The following SCYL3 variants were observed in gnomAD, a reference collection of about 807,000 sequenced individuals.
The protein encoded by SCYL3 is SCY1 like pseudokinase 3.
SCYL3 carries 35 observed loss-of-function variants against 73.8 expected under a neutral mutation model. That is an observed-to-expected ratio of 0.47 (90% CI 0.36 to 0.63). SCYL3 has a LOEUF of 0.63. Ranked by LOEUF, SCYL3 falls within the 20% of genes least tolerant of loss-of-function variation. SCYL3 has a pLI of 0.00. For missense variants in SCYL3, 712 were observed against 798.9 expected (o/e 0.89, Z 1.31); for synonymous variants, 277 against 295.2 (o/e 0.94, Z 0.63).
At chr1:169,855,905 C>T in intron 11 of SCYL3, 1 of 1,613,808 alleles carries the variant, frequency 6.2e-7, no homozygotes, top group Non-Finnish European at 8.5e-7. Flanking sequence ...AGGGGTTCTC[C>T]AAGATTGGCG....
In SCYL3 at chr1:169,852,480, G is replaced by C; in HGVS notation, c.*1233C>G. The C allele has an allele frequency of 3.0e-6, 1 of 335,584 alleles. No individual in the cohort carries two copies. Among genetic ancestry groups the C allele is most frequent in the Non-Finnish European group, 5.4e-6 (1 of 184,472 alleles). 20.8% of individuals were successfully genotyped at this position (335,584 alleles called of 1,614,324 possible). ...TCTCATAAAAAGAAAATACATTTAT[G>C]AACTTGTTTATAAGACATGTAAGCT... On this transcript the variant is annotated 3_prime_UTR_variant, in exon 13 of 13. Transcript: ENST00000367771.
rs1658928545 is a variant in SCYL3, at chr1:169,854,471, T to C, written c.1806A>G (p.Gly602=). Residue 602 remains glycine (G), a synonymous_variant, in exon 12 of 13, where the codon GGA becomes GGG. Coordinates refer to ENST00000367771, the MANE Select transcript of SCYL3 (RefSeq NM_020423.7). ...TTTTTACTTGAATGGTGAATTCCTC[T>C]CCTAAACCAAGTTCTGATGGAACCT... ...PLKVPSELGL[G]EEFTIQVKKK... is the part of the protein sequence containing the mutation. The C allele has an allele frequency of 3.7e-6, 6 of 1,613,964 alleles. No individual in the cohort carries two copies. Among genetic ancestry groups the C allele is most frequent in the Non-Finnish European group, 8.5e-7 (1 of 1,179,982 alleles).
chr1:169,867,957 A>C (rs568151626), intron 7 of SCYL3, among the ~76,000 whole-genome samples: 1 of 152,360 alleles, frequency 6.6e-6, no homozygotes, highest in South Asian at 2.1e-4. Flanking sequence ...TATTTCTAAG[A>C]ATCATCCAAA....
At chr1:169,855,682 T>A in intron 11 of SCYL3, 2 of 948,258 alleles carry the variant, frequency 2.1e-6, no homozygotes, top group South Asian at 3.6e-5. Flanking sequence ...CAAAGCTGAC[T>A]ACATAATTAC....
chr1:169,875,190 A>G (rs1166640766), intron 4 of SCYL3, among the ~76,000 whole-genome samples: 1 of 152,190 alleles, frequency 6.6e-6, no homozygotes. Context: ...GGCCCAAGTT[A>G]AGTGTGGAAG....
At chr1:169,870,228 A>C (rs763973851) in intron 6 of SCYL3, 27 bp downstream of exon 6, 1 of 1,433,428 alleles carries the variant, frequency 7.0e-7, no homozygotes, top group Non-Finnish European at 9.8e-7. Context: ...CTTATTCTAT[A>C]GATGCAGTAG....
rs773743566 is a variant in SCYL3, at chr1:169,859,142, A to C, written c.1211T>G (p.Val404Gly). The change falls in exon 11 of 13, where the codon GTC becomes GGC. Residue 404 changes from valine (V) to glycine (G), a missense_variant. This residue lies in a region of SCYL3 where 370 missense variants were observed against 350.8 expected (regional missense o/e 1.05). Coordinates refer to ENST00000367771, the MANE Select transcript of SCYL3 (RefSeq NM_020423.7). Reference protein sequence around the residue: ...AITLHSLAVLVSLLGPEVVVG... With the variant: ...AITLHSLAVLGSLLGPEVVVG... ...AACCACCTCTGGTCCAAGCAGAGAG[A>C]CCAGCACTGCTAGGCTATGCAGAGT... is the stretch of plus-strand genomic sequence containing the variant. The C allele has an allele frequency of 6.2e-7, 1 of 1,614,008 alleles. No homozygotes were observed. The highest frequency in any genetic ancestry group is 8.5e-7 in the Non-Finnish European group (1 of 1,179,950).
chr1:169,893,070 C>G (rs1432901285), intron 1 of SCYL3, among the ~76,000 whole-genome samples: 1 of 152,132 alleles, frequency 6.6e-6, no homozygotes, highest in African/African-American at 2.4e-5. Flanking sequence ...ACAATTAAGT[C>G]TTTATGGACC....
chr1:169,856,118 C>G (rs1347562947), intron 11 of SCYL3, among the ~76,000 whole-genome samples: 1 of 151,992 alleles, frequency 6.6e-6, no homozygotes, highest in Non-Finnish European at 1.5e-5. Context: ...AGACATACAC[C>G]CATTATGGAA....
chr1:169,864,533 G>A, intron 8 of SCYL3, 25 bp from the exon 9 acceptor site: 1 of 1,567,380 alleles, frequency 6.4e-7, no homozygotes, highest in Non-Finnish European at 8.6e-7. Flanking sequence ...GGAAAGCCCA[G>A]GAAACTGGTC....
chr1:169,851,830 A>T lies in SCYL3; in HGVS notation c.*1883T>A. ...GGTCCCTGGCAGACTGGGTTTGTAGATGAAACTGAAGCTGCCAAAGTGGAA... is the reference window on the plus strand; with the variant it reads ...GGTCCCTGGCAGACTGGGTTTGTAGTTGAAACTGAAGCTGCCAAAGTGGAA... On this transcript the variant is annotated 3_prime_UTR_variant, in exon 13 of 13. Coordinates refer to ENST00000367771, the MANE Select transcript of SCYL3 (RefSeq NM_020423.7). The T allele has an allele frequency of 6.2e-7, 1 of 1,613,914 alleles. No individual in the cohort carries two copies. Among genetic ancestry groups the T allele is most frequent in the Non-Finnish European group, 8.5e-7 (1 of 1,179,916 alleles).
chr1:169,884,461 C>T (rs1661532918), intron 2 of SCYL3, among the ~76,000 whole-genome samples: 1 of 151,934 alleles, frequency 6.6e-6, no homozygotes, highest in African/African-American at 2.4e-5. Flanking sequence ...CCATGCCTGG[C>T]TAATTTTTGT....
chr1:169,886,035 A>T (rs886857702), intron 2 of SCYL3, among the ~76,000 whole-genome samples: 4 of 152,170 alleles, frequency 2.6e-5, no homozygotes, highest in Non-Finnish European at 4.4e-5. Flanking sequence ...ACCATGGGCC[A>T]GGTACGGTGG....
rs201104759 is a variant in SCYL3 at position 169,850,222 on chromosome 1, G to C, written c.*3491C>G. On this transcript the variant is annotated 3_prime_UTR_variant, in exon 13 of 13. Transcript: ENST00000367771. ...ACTCATCTATTTGTCTTTGCAAGTT[G>C]TTGAAATGTTAAAATTGGTCTTGTT... 6.0e-6 allele frequency: 8 copies of C among 1,324,118 alleles called. No homozygotes were observed. In the East Asian group the frequency reaches 1.8e-4, roughly 31 times the overall value. The allele number at this position is 1,324,118 out of a possible 1,614,324, so 82.0% of individuals were successfully genotyped here.
At chr1:169,879,650 T>G (rs6427227) in intron 2 of SCYL3, among the ~76,000 whole-genome samples, 1 of 151,912 alleles carries the variant, frequency 6.6e-6, no homozygotes, top group African/African-American at 2.4e-5. Flanking sequence ...ATGTCCAGGA[T>G]GCAACCCCAA....
rs1190164882 is a variant in SCYL3, at chr1:169,854,468, C to T, written c.1809G>A (p.Glu603=). 3.1e-6 allele frequency: 5 copies of T among 1,614,020 alleles called. No homozygotes were observed. Among genetic ancestry groups the T allele is most frequent in the Non-Finnish European group, 4.2e-6 (5 of 1,179,954 alleles). ...LKVPSELGLG[E]EFTIQVKKKP... ...TCTTTTTTACTTGAATGGTGAATTC[C>T]TCTCCTAAACCAAGTTCTGATGGAA... The change falls in exon 12 of 13, where the codon GAG becomes GAA. Residue 603 remains glutamate (E), a synonymous_variant. Transcript: ENST00000367771.
rs1658160316 is a variant in SCYL3 at position 169,851,007 on chromosome 1, A to ATTTT, written c.*2705_*2706insAAAA. 1 of 18,492 alleles carries ATTTT rather than the reference A, an allele frequency of 5.4e-5. No homozygotes were observed. Among genetic ancestry groups the ATTTT allele is most frequent in the Non-Finnish European group, 9.3e-5 (1 of 10,726 alleles). 1.1% of individuals were successfully genotyped at this position (18,492 alleles called of 1,614,324 possible). A position where few individuals can be genotyped will look rare whatever the true frequency, so the allele number is the denominator to read the frequency against. On this transcript the variant is annotated 3_prime_UTR_variant, in exon 13 of 13. Transcript: ENST00000367771. ...TTTTTTTTTTTTTTTTTTTTTTTTT[A>ATTTT]TTTGGGCAGCCTCCCAAGCCAGGGT...
In SCYL3 at chr1:169,850,132, A is replaced by C. The variant is rs1657924035; in HGVS notation, c.*3581T>G. 1.6e-6 allele frequency: 1 copy of C among 614,316 alleles called. No homozygotes were observed. The highest frequency in any genetic ancestry group is 2.9e-6 in the Non-Finnish European group (1 of 347,092). 38.1% of individuals were successfully genotyped at this position (614,316 alleles called of 1,614,324 possible). A position where few individuals can be genotyped will look rare whatever the true frequency, so the allele number is the denominator to read the frequency against. ...GGGACCCTGAAGGAATCATGAGTTT[A>C]TCACCTTTGAGGATCCTCTGGGACT... On this transcript the variant is annotated 3_prime_UTR_variant, in exon 13 of 13. Coordinates refer to ENST00000367771, the MANE Select transcript of SCYL3 (RefSeq NM_020423.7).
At chr1:169,864,918 T>C (rs1659926139) in intron 8 of SCYL3, among the ~76,000 whole-genome samples, 1 of 149,804 alleles carries the variant, frequency 6.7e-6, no homozygotes, top group Non-Finnish European at 1.5e-5. Context: ...TGCAGTGAGC[T>C]GAGATCATGT....
Sources: allele counts gnomAD v4.1 joint callset (sites outside exome capture counted in the v4.1 genomes callset), GRCh38; gene constraint gnomAD v4.1.1; regional missense constraint gnomAD v4.1.1; transcripts MANE v1.5; gene names NCBI Gene and HGNC (gene_info 2026-07-23, HGNC 2026-07-21).